The following CNTNAP5 variants were observed in gnomAD, a reference collection of about 807,000 sequenced individuals.
The protein encoded by CNTNAP5 is contactin associated protein family member 5.
A neutral mutation model predicts 150.2 loss-of-function variants in CNTNAP5; 72 were observed. The ratio of observed to expected loss-of-function variants is 0.48; its 90% CI spans 0.40 to 0.58. The LOEUF (loss-of-function observed/expected upper bound fraction) is 0.58. CNTNAP5 is among the 20% of genes least tolerant of loss of function. The probability of loss-of-function intolerance (pLI) is 0.00; values close to 1 mark genes in which losing one functional copy is unlikely to be tolerated. For synonymous variants in CNTNAP5, 672 were observed against 619.8 expected (o/e 1.08, Z -1.25); for missense variants, 1,636 against 1,626.2 (o/e 1.01, Z -0.10).
At chr2:124,911,969 T>C (rs116737072) in intron 23 of CNTNAP5, among the ~76,000 whole-genome samples, 1 of 152,116 alleles carries the variant, frequency 6.6e-6, no homozygotes, top group African/African-American at 2.4e-5. Context: ...TTGGGTTAGG[T>C]CTAATGAGCA....
intron 1 of CNTNAP5, among the ~76,000 whole-genome samples, chr2:124,049,839 C>A (rs1020716465): frequency 6.6e-6 from 1 of 152,150 alleles, no homozygotes; most frequent in African/African-American, 2.4e-5. Context: ...CTGAGTCAGG[C>A]AGATTCAATG....
At chr2:124,574,699 A>G (rs1393670448) in intron 11 of CNTNAP5, among the ~76,000 whole-genome samples, 2 of 152,214 alleles carry the variant, frequency 1.3e-5, no homozygotes, top group African/African-American at 4.8e-5. Context: ...GCATCATGTG[A>G]TTGTTCAGTA....
intron 17 of CNTNAP5, among the ~76,000 whole-genome samples, chr2:124,776,340 C>A (rs1681323642): frequency 6.6e-6 from 1 of 151,888 alleles, no homozygotes; most frequent in South Asian, 2.1e-4. Context: ...TGAAGCTACT[C>A]CAAACTTACA....
At chr2:124,164,861 G>A (rs1684774297) in intron 1 of CNTNAP5, among the ~76,000 whole-genome samples, 1 of 148,372 alleles carries the variant, frequency 6.7e-6, no homozygotes, top group Non-Finnish European at 1.5e-5. Flanking sequence ...GCTGGGGAAG[G>A]AAAAATCAGG....
Position 124,536,954 on chromosome 2 carries a change from A to G in CNTNAP5, c.1649+9498A>G, listed in dbSNP as rs796816659. 9.2e-5 allele frequency among the ~76,000 whole-genome samples: 14 copies of G among 152,190 alleles called. 1 individual carries two copies. The highest frequency in any genetic ancestry group is 3.1e-4 in the African/African-American group (13 of 41,514). ...CACAAAACAGTTTAAAACTTGAGAG[A>G]CCAGACACATTAATAGTGAATCTTT... On this transcript the variant is annotated intron_variant, in intron 10 of 23. Transcript: ENST00000682447.
intron 6 of CNTNAP5, among the ~76,000 whole-genome samples, chr2:124,463,833 G>T (rs962146030): frequency 2.0e-5 from 3 of 152,104 alleles, no homozygotes; most frequent in Non-Finnish European, 4.4e-5. Context: ...CTGTGTGTGT[G>T]GCACTTAGAG....
chr2:124,656,003 G>GAAAA (rs1261971735), intron 13 of CNTNAP5, among the ~76,000 whole-genome samples: 9 of 141,452 alleles, frequency 6.4e-5, no homozygotes, highest in East Asian at 4.2e-4. Flanking sequence ...AAGAAAAAAG[G>GAAAA]AAGGAAGGAA....
At chr2:124,481,451 A>C (rs1693760270) in intron 7 of CNTNAP5, among the ~76,000 whole-genome samples, 1 of 152,216 alleles carries the variant, frequency 6.6e-6, no homozygotes, top group Admixed American at 6.5e-5. Context: ...CATCTGATAA[A>C]ATTATTATGT....
intron 3 of CNTNAP5, among the ~76,000 whole-genome samples, chr2:124,359,517 T>C (rs960957291): frequency 7.3e-5 from 11 of 151,196 alleles, no homozygotes; most frequent in Middle Eastern, 3.4e-3. Flanking sequence ...TTTGTTCTCG[T>C]TGGTTTCAAA....
At chr2:124,278,817 C>A (rs1687948240) in intron 3 of CNTNAP5, among the ~76,000 whole-genome samples, 1 of 152,098 alleles carries the variant, frequency 6.6e-6, no homozygotes, top group South Asian at 2.1e-4. Flanking sequence ...AATCCTTATT[C>A]TTTTCTCATA....
intron 11 of CNTNAP5, among the ~76,000 whole-genome samples, chr2:124,576,182 A>C (rs1261334192): frequency 6.6e-6 from 1 of 152,126 alleles, no homozygotes; most frequent in Non-Finnish European, 1.5e-5. Flanking sequence ...ATATATGTGC[A>C]GAAAACATGA....
chr2:124,715,107 A>G (rs1243297246), intron 13 of CNTNAP5, among the ~76,000 whole-genome samples: 2 of 152,122 alleles, frequency 1.3e-5, no homozygotes, highest in Non-Finnish European at 2.9e-5. Context: ...AGTGTGTTTA[A>G]TCCTTGGTTA....
At chr2:124,706,898 AAGAAGGAGG>A (rs1453885217) in intron 13 of CNTNAP5, among the ~76,000 whole-genome samples, 184 of 19,292 alleles carry the variant, frequency 9.5e-3, no homozygotes, top group East Asian at 0.013. Flanking sequence ...GAAGAGGAAG[AAGAAGGAGG>A]AGGAGGAGGA....
rs141778317 is a variant in CNTNAP5 at position 124,704,103 on chromosome 2, A to G, written c.2078-43126A>G. Among the ~76,000 whole-genome samples the G allele has an allele frequency of 4.5e-3, 680 of 152,288 alleles. 3 individuals are homozygous for G. The highest frequency in any genetic ancestry group is 7.4e-3 in the Non-Finnish European group (502 of 68,026). ...ACACAGAAGGTCAAGGATTTCCCAC[A>G]TTAAATTGCTTTAGTTCTGTATTCT... On this transcript the variant is annotated intron_variant, in intron 13 of 23. Transcript: ENST00000682447.
At chr2:124,199,418 T>A (rs1685665215) in intron 1 of CNTNAP5, among the ~76,000 whole-genome samples, 1 of 145,824 alleles carries the variant, frequency 6.9e-6, no homozygotes, top group Non-Finnish European at 1.5e-5. Context: ...AGGTTCTTTT[T>A]TTTTTTTTTT....
chr2:124,359,143 C>T (rs892594605), intron 3 of CNTNAP5, among the ~76,000 whole-genome samples: 32 of 152,140 alleles, frequency 2.1e-4, no homozygotes, highest in Middle Eastern at 3.4e-3. Context: ...GTGGGATCGG[C>T]GGTGATATCC....
intron 11 of CNTNAP5, among the ~76,000 whole-genome samples, chr2:124,601,870 C>A (rs1013003746): frequency 6.6e-6 from 1 of 152,086 alleles, no homozygotes; most frequent in Non-Finnish European, 1.5e-5. Context: ...TTGAATGGAT[C>A]TCAAGGGAAT....
chr2:124,567,492 T>C (rs1444171283), intron 11 of CNTNAP5, among the ~76,000 whole-genome samples: 1 of 152,202 alleles, frequency 6.6e-6, no homozygotes, highest in East Asian at 1.9e-4. Context: ...TAAAGTGCCA[T>C]TGGAGACTAT....
chr2:124,469,745 G>A (rs75729285), intron 6 of CNTNAP5, among the ~76,000 whole-genome samples: 6,474 of 151,870 alleles, frequency 0.043, 185 homozygotes, highest in South Asian at 0.13. Context: ...CCTTCCACAG[G>A]CCCCACTGTG....
Sources: gnomAD v4.1 joint callset for allele counts (sites outside exome capture counted in the v4.1 genomes callset) on GRCh38, gnomAD v4.1.1 for gene constraint, MANE v1.5 for transcripts, NCBI Gene and HGNC (gene_info 2026-07-23, HGNC 2026-07-21) for gene names.